The following CCDC192 variants were observed in gnomAD, a reference collection of about 807,000 sequenced individuals.
CCDC192 encodes coiled-coil domain containing 192, also known as coiled-coil domain-containing protein 192.
chr5:127,753,820 A>C (rs940541395), intron 2 of CCDC192, among the ~76,000 whole-genome samples: 17 of 152,320 alleles, frequency 1.1e-4, no homozygotes, highest in African/African-American at 4.1e-4. Flanking sequence ...CTTTAATGAC[A>C]TATGCTAAGA....
chr5:127,743,706 G>T (rs1343956553), intron 2 of CCDC192, among the ~76,000 whole-genome samples: 2 of 152,158 alleles, frequency 1.3e-5, no homozygotes, highest in Non-Finnish European at 2.9e-5. Flanking sequence ...CCCAAACACA[G>T]AGGAATACTG....
intron 6 of CCDC192, among the ~76,000 whole-genome samples, chr5:127,921,887 G>A (rs962031219): frequency 6.6e-6 from 1 of 152,180 alleles, no homozygotes; most frequent in Admixed American, 6.5e-5. Flanking sequence ...TGTGATGTAT[G>A]TGGTAGCCAT....
intron 6 of CCDC192, among the ~76,000 whole-genome samples, chr5:127,886,497 G>A (rs974933372): frequency 1.3e-5 from 2 of 151,968 alleles, no homozygotes; most frequent in Admixed American, 1.3e-4. Context: ...CCTCTTCCTC[G>A]TCCTCCTCAG....
chr5:127,790,210 T>G (rs1204704224), intron 3 of CCDC192, among the ~76,000 whole-genome samples: 3 of 152,292 alleles, frequency 2.0e-5, no homozygotes, highest in Non-Finnish European at 4.4e-5. Context: ...AGGTTTTGGA[T>G]GTATGTGGGA....
chr5:127,779,485 C>T (rs768444743), intron 3 of CCDC192, among the ~76,000 whole-genome samples: 10 of 149,970 alleles, frequency 6.7e-5, no homozygotes, highest in South Asian at 2.1e-4. Flanking sequence ...TTAGTAGAGA[C>T]GGGGTTTCAC....
chr5:127,828,237 C>T (rs778748252), intron 5 of CCDC192, among the ~76,000 whole-genome samples: 4 of 152,126 alleles, frequency 2.6e-5, no homozygotes, highest in Non-Finnish European at 5.9e-5. Flanking sequence ...CTTGACTCCA[C>T]GATTCATTTT....
intron 5 of CCDC192, among the ~76,000 whole-genome samples, chr5:127,846,146 A>T (rs1750522780): frequency 6.6e-6 from 1 of 151,890 alleles, no homozygotes; most frequent in Admixed American, 6.6e-5. Flanking sequence ...AAAATTAGCC[A>T]GTGGTGGTGG....
intron 6 of CCDC192, among the ~76,000 whole-genome samples, chr5:127,918,861 G>GTA (rs2127186448): frequency 6.6e-6 from 1 of 151,674 alleles, no homozygotes; most frequent in East Asian, 1.9e-4. Context: ...ATGTGCATGT[G>GTA]TGTATATATG....
intron 6 of CCDC192, among the ~76,000 whole-genome samples, chr5:127,929,549 C>T (rs1474257591): frequency 6.6e-6 from 1 of 152,214 alleles, no homozygotes; most frequent in Non-Finnish European, 1.5e-5. Flanking sequence ...AATGTCAAGT[C>T]AGCTAAATCA....
intron 3 of CCDC192, among the ~76,000 whole-genome samples, chr5:127,787,460 A>C (rs1464547305): frequency 6.6e-6 from 1 of 152,104 alleles, no homozygotes; most frequent in Non-Finnish European, 1.5e-5. Context: ...AATATTTTTT[A>C]ATTTGCCTTG....
intron 6 of CCDC192, among the ~76,000 whole-genome samples, chr5:127,911,014 A>T (rs542237675): frequency 5.9e-5 from 9 of 152,356 alleles, no homozygotes; most frequent in Non-Finnish European, 1.3e-4. Flanking sequence ...TTTTATGTAA[A>T]ATGTGACCTT....
chr5:127,738,224 A>G (rs1049519014), intron 2 of CCDC192, among the ~76,000 whole-genome samples: 7 of 150,184 alleles, frequency 4.7e-5, no homozygotes, highest in African/African-American at 1.5e-4. Context: ...TTCTGGGTTG[A>G]AAATTCTTTC....
intron 5 of CCDC192, among the ~76,000 whole-genome samples, chr5:127,835,069 T>C (rs1749973606): frequency 6.6e-6 from 1 of 152,216 alleles, no homozygotes; most frequent in Non-Finnish European, 1.5e-5. Context: ...AAAGTAATGA[T>C]CATGTCTTTA....
At chr5:127,748,920 G>A (rs2126858994) in intron 2 of CCDC192, among the ~76,000 whole-genome samples, 1 of 151,764 alleles carries the variant, frequency 6.6e-6, no homozygotes, top group African/African-American at 2.4e-5. Context: ...GTCTGTTGTT[G>A]GTGTATAGGA....
At chr5:127,778,331 G>C (rs1210863267) in intron 3 of CCDC192, among the ~76,000 whole-genome samples, 1 of 152,186 alleles carries the variant, frequency 6.6e-6, no homozygotes, top group African/African-American at 2.4e-5. Context: ...TATCATGGAA[G>C]AGTGTTGGAT....
chr5:127,754,524 C>A, intron 3 of CCDC192, 149 bp downstream of exon 3: 1 of 375,878 alleles, frequency 2.7e-6, no homozygotes, highest in Non-Finnish European at 4.7e-6. Flanking sequence ...TTGCAGTATG[C>A]CCCCCCACCC....
At chr5:127,870,894 A>G (rs1561532691) in intron 5 of CCDC192, among the ~76,000 whole-genome samples, 2 of 152,264 alleles carry the variant, frequency 1.3e-5, no homozygotes, top group Non-Finnish European at 2.9e-5. Flanking sequence ...AATGCAAGGA[A>G]GAACCTATGT....
At chr5:127,797,565 C>T (rs984896617) in intron 4 of CCDC192, among the ~76,000 whole-genome samples, 4 of 151,296 alleles carry the variant, frequency 2.6e-5, no homozygotes, top group Admixed American at 6.6e-5. Context: ...TGGAGTAAAA[C>T]GAGAGGCTCA....
intron 6 of CCDC192, among the ~76,000 whole-genome samples, chr5:127,916,182 G>T (rs879709608): frequency 6.6e-6 from 1 of 152,154 alleles, no homozygotes; most frequent in Non-Finnish European, 1.5e-5. Flanking sequence ...CTGCTTATCC[G>T]CAAGAAGCAA....
Sources: gnomAD v4.1 joint callset for allele counts (sites outside exome capture counted in the v4.1 genomes callset) on GRCh38, gnomAD v4.1.1 for gene constraint, MANE v1.5 for transcripts, NCBI Gene and HGNC (gene_info 2026-07-23, HGNC 2026-07-21) for gene names.